The following SPATA1 variants were observed in gnomAD, a reference collection of about 807,000 sequenced individuals.
SPATA1 encodes the protein spermatogenesis associated 1.
Under a neutral mutation model 59.6 loss-of-function variants are expected in SPATA1, and 57 were observed. The observed-to-expected ratio is 0.96, with a 90% CI of 0.77 to 1.19. SPATA1 has a LOEUF of 1.19. SPATA1 is among the 50% of genes most tolerant of loss of function. The pLI is 0.00. For synonymous variants in SPATA1, 147 were observed against 163.9 expected (o/e 0.90, Z 0.79); for missense variants, 448 against 480.7 (o/e 0.93, Z 0.64).
At chr1:84,540,958 C>G (rs1327067128) in intron 8 of SPATA1, among the ~76,000 whole-genome samples, 1 of 152,232 alleles carries the variant, frequency 6.6e-6, no homozygotes, top group East Asian at 1.9e-4. Flanking sequence ...TGCTCTAGAG[C>G]CTTCATACTT....
exon 5 of SPATA1, chr1:84,525,716 A>G: frequency 6.3e-7 from 1 of 1,593,206 alleles, no homozygotes; most frequent in Non-Finnish European, 8.5e-7. Context: ...AGCAAGAATC[A>G]GAACTGAAAC....
intron 8 of SPATA1, among the ~76,000 whole-genome samples, chr1:84,536,901 A>G (rs1327163629): frequency 3.2e-5 from 4 of 126,156 alleles, no homozygotes; most frequent in Non-Finnish European, 6.4e-5. Context: ...TTTTTTTGAG[A>G]TGAAGTCTCA....
chr1:84,563,881 A>G (rs1268057087), intron 4 of SPATA1: 11 of 1,572,868 alleles, frequency 7.0e-6, no homozygotes, highest in Non-Finnish European at 9.5e-6. Flanking sequence ...TCATATGTCA[A>G]TGTGTTCATA....
intron 1 of SPATA1, among the ~76,000 whole-genome samples, chr1:84,513,844 T>TA: frequency 7.3e-6 from 1 of 137,842 alleles, no homozygotes; most frequent in Middle Eastern, 3.5e-3. Context: ...TATATTCTAT[T>TA]TTTTTTTTTT....
rs568824640 is a variant in SPATA1, at chr1:84,541,120, A to G, written c.718-3082A>G. ...ATTTTCTTTGTAAACTGACTTGAGT[A>G]TTTTTGCCTGGAAGGTCAGAGAATT... is the stretch of plus-strand genomic sequence containing the variant. On this transcript the variant is annotated intron_variant, in intron 8 of 12. Transcript: ENST00000490879. Among the ~76,000 whole-genome samples, 13 of 152,288 alleles carry G rather than the reference A, an allele frequency of 8.5e-5. No individual in the cohort carries two copies. In the South Asian group the frequency reaches 1.2e-3, roughly 15 times the overall value.
chr1:84,540,685 T>C (rs1161593768), intron 8 of SPATA1, among the ~76,000 whole-genome samples: 1 of 152,220 alleles, frequency 6.6e-6, no homozygotes, highest in African/African-American at 2.4e-5. Context: ...TTTTCAATGA[T>C]TTCTTGGTTA....
intron 10 of SPATA1, among the ~76,000 whole-genome samples, chr1:84,548,414 T>C (rs906705237): frequency 3.5e-5 from 5 of 142,176 alleles, no homozygotes; most frequent in Non-Finnish European, 7.8e-5. Flanking sequence ...ATATATGTTA[T>C]ATGTATATAT....
intron 10 of SPATA1, among the ~76,000 whole-genome samples, chr1:84,546,115 T>G (rs1001365464): frequency 6.6e-6 from 1 of 152,230 alleles, no homozygotes; most frequent in Non-Finnish European, 1.5e-5. Flanking sequence ...CCTGCCCACA[T>G]AGATCTTACA....
Position 84,520,709 on chromosome 1 carries a change from A to G in SPATA1, c.143+18A>G. On this transcript the variant is annotated intron_variant, in intron 3 of 12. Coordinates refer to ENST00000490879, the Ensembl canonical transcript of SPATA1. ...TTTCTAAGGCAAGTGTTGTGTAGTC[A>G]TGTAACAATATGCCTGAAAGAAGAA... 2 of 1,402,134 alleles carry G rather than the reference A, an allele frequency of 1.4e-6. No homozygotes were observed. Among genetic ancestry groups the G allele is most frequent in the Non-Finnish European group, 1.9e-6 (2 of 1,026,806 alleles). 86.9% of individuals were successfully genotyped at this position (1,402,134 alleles called of 1,614,324 possible). A position where few individuals can be genotyped will look rare whatever the true frequency, so the allele number is the denominator to read the frequency against.
intron 1 of SPATA1, chr1:84,507,199 A>C (rs191776788): frequency 6.6e-6 from 1 of 152,162 alleles, no homozygotes; most frequent in African/African-American, 2.4e-5. Flanking sequence ...CGGGTAGTCA[A>C]TCTCCGAATG....
intron 2 of SPATA1, among the ~76,000 whole-genome samples, chr1:84,519,959 T>C (rs1682950533): frequency 6.6e-6 from 1 of 152,180 alleles, no homozygotes; most frequent in East Asian, 1.9e-4. Context: ...ATATAAATAT[T>C]CTTCTAAATA....
intron 3 of SPATA1, among the ~76,000 whole-genome samples, chr1:84,521,117 A>T (rs959161157): frequency 1.3e-5 from 2 of 151,850 alleles, no homozygotes; most frequent in Non-Finnish European, 2.9e-5. Context: ...CCAAAAACAA[A>T]AAAGAGAGAG....
At chr1:84,559,937 T>C (rs569265294) in intron 4 of SPATA1, among the ~76,000 whole-genome samples, 6 of 151,640 alleles carry the variant, frequency 4.0e-5, no homozygotes, top group African/African-American at 1.5e-4. Flanking sequence ...ATATAAAAAT[T>C]AGCCCGGCAT....
chr1:84,552,008 G>A (rs1410190024), intron 12 of SPATA1: 1 of 151,990 alleles, frequency 6.6e-6, no homozygotes, highest in Non-Finnish European at 1.5e-5. Flanking sequence ...AAAACAGTAA[G>A]GACAAGTGGA....
At chr1:84,524,648 T>C (rs1189970054) in intron 4 of SPATA1, among the ~76,000 whole-genome samples, 1 of 152,208 alleles carries the variant, frequency 6.6e-6, no homozygotes, top group African/African-American at 2.4e-5. Flanking sequence ...TGATTTTTGG[T>C]CCTTGCACTT....
exon 5 of SPATA1, chr1:84,565,965 G>T: frequency 6.3e-7 from 1 of 1,593,358 alleles, no homozygotes; most frequent in Non-Finnish European, 8.5e-7. Flanking sequence ...TATAATTATA[G>T]CATCTTCTGT....
At chr1:84,550,464 G>A in exon 12 of SPATA1, 1 of 1,564,864 alleles carries the variant, frequency 6.4e-7, no homozygotes, top group Admixed American at 1.8e-5. Flanking sequence ...CTGAGGTACA[G>A]CATGCAATTG....
At chr1:84,545,641 G>A (rs1448220097) in exon 10 of SPATA1, 1 of 1,510,836 alleles carries the variant, frequency 6.6e-7, no homozygotes, top group Non-Finnish European at 8.8e-7. Context: ...TAGGAGAGAA[G>A]ATTATCAAAC....
At chr1:84,540,859 A>G (rs571040616) in intron 8 of SPATA1, among the ~76,000 whole-genome samples, 2 of 152,342 alleles carry the variant, frequency 1.3e-5, no homozygotes, top group South Asian at 4.1e-4. Flanking sequence ...AAAGAGTTGA[A>G]AAAAAGAGGA....
Sources: allele counts gnomAD v4.1 joint callset (sites outside exome capture counted in the v4.1 genomes callset), GRCh38; gene constraint gnomAD v4.1.1; transcripts MANE v1.5; gene names NCBI Gene and HGNC (gene_info 2026-07-23, HGNC 2026-07-21).